TAOK3: variants seen among roughly 807,000 people sequenced by gnomAD.
The protein encoded by TAOK3 is TAO kinase 3.
TAOK3 carries 40 observed loss-of-function variants against 120.4 expected under a neutral mutation model. The ratio of observed to expected loss-of-function variants is 0.33; its 90% CI spans 0.26 to 0.43. The LOEUF (loss-of-function observed/expected upper bound fraction) is 0.43. Ranked by LOEUF, TAOK3 falls within the 20% of genes least tolerant of loss-of-function variation. The pLI is 1.00. For missense variants in TAOK3, 821 were observed against 1,112.1 expected, an observed-to-expected ratio of 0.74 and a Z score of 3.72; for synonymous variants, 355 against 387.5, an observed-to-expected ratio of 0.92 and a Z score of 0.99.
chr12:118,213,411 G>A (rs2038726430), intron 10 of TAOK3, among the ~76,000 whole-genome samples: 1 of 152,070 alleles, frequency 6.6e-6, no homozygotes, highest in East Asian at 1.9e-4. Context: ...TGAAGCATGA[G>A]GGATGGAGAA....
Position 118,172,475 on chromosome 12 carries a change from C to T in TAOK3, c.1881G>A (p.Glu627=). The T allele has an allele frequency of 6.2e-7, 1 of 1,614,192 alleles. No homozygotes were observed. ...TAAATACCTCCCGAATGTTCTGCTG[C>T]TCCACCTCGTGCCGCTTGATCATTA... is the stretch of plus-strand genomic sequence containing the variant. ...RKIMIKRHEV[E]QQNIREELNK... Residue 627 remains glutamate (E), a synonymous_variant, in exon 17 of 21, where the codon GAG becomes GAA. Transcript: ENST00000392533.
At chr12:118,239,612 AT>A (rs1319335233) in intron 5 of TAOK3, among the ~76,000 whole-genome samples, 1 of 152,242 alleles carries the variant, frequency 6.6e-6, no homozygotes, top group African/African-American at 2.4e-5. Flanking sequence ...TGTACTATAA[AT>A]TTGTAACTCA....
chr12:118,291,971 A>G (rs2042502025), intron 1 of TAOK3, among the ~76,000 whole-genome samples: 1 of 151,994 alleles, frequency 6.6e-6, no homozygotes, highest in African/African-American at 2.4e-5. Context: ...GTGCCAACAC[A>G]CCTGGCTGAT....
chr12:118,151,108 C>T lies in TAOK3; in HGVS notation c.2586G>A (p.Lys862=). Residue 862 remains lysine (K), a synonymous_variant, in exon 21 of 21, where the codon AAG becomes AAA. Transcript: ENST00000392533. The part of the protein sequence containing the change: ...ALQKERSERI[K]NLLERQEREI... ...CTCGCTCTTGCCTTTCCAATAGGTTCTTTATTCTCTCGCTGCGTTCCTTCT... is the reference window on the plus strand; with the variant it reads ...CTCGCTCTTGCCTTTCCAATAGGTTTTTTATTCTCTCGCTGCGTTCCTTCT... 4 of 1,613,874 alleles carry T rather than the reference C, an allele frequency of 2.5e-6. No individual in the cohort carries two copies. The highest frequency in any genetic ancestry group is 3.4e-6 in the Non-Finnish European group (4 of 1,180,004).
intron 1 of TAOK3, among the ~76,000 whole-genome samples, chr12:118,279,868 C>A (rs1367448759): frequency 1.3e-5 from 2 of 150,604 alleles, no homozygotes; most frequent in Non-Finnish European, 3.0e-5. Flanking sequence ...TGGGTTCAAG[C>A]GATTTTCCTG....
At chr12:118,362,756 A>G (rs930103161) in intron 1 of TAOK3, among the ~76,000 whole-genome samples, 1 of 152,144 alleles carries the variant, frequency 6.6e-6, no homozygotes, top group African/African-American at 2.4e-5. Flanking sequence ...AGCGGCTCAC[A>G]TCTGTAATCC....
chr12:118,178,922 C>T (rs1170116950), intron 15 of TAOK3, among the ~76,000 whole-genome samples: 1 of 152,136 alleles, frequency 6.6e-6, no homozygotes, highest in African/African-American at 2.4e-5. Context: ...GTAAGACGAG[C>T]GACTTGGGAG....
chr12:118,273,567 C>T (rs1310491537), intron 1 of TAOK3, among the ~76,000 whole-genome samples: 1 of 151,960 alleles, frequency 6.6e-6, no homozygotes, highest in Non-Finnish European at 1.5e-5. Flanking sequence ...ATAATCTCAG[C>T]ACTTTGGGAG....
rs573593117 is a variant in TAOK3, at chr12:118,316,829, T to C, written c.-193-50070A>G. On this transcript the variant is annotated intron_variant, in intron 1 of 20. Coordinates refer to ENST00000392533, the MANE Select transcript of TAOK3 (RefSeq NM_016281.4). The stretch of plus-strand genomic sequence containing the variant: ...TATAAAAATAACAAAATCAGTTGTA[T>C]TTCTATATACTGGCAATGAACAATC... Among the ~76,000 whole-genome samples the C allele has an allele frequency of 2.6e-5, 4 of 152,304 alleles. No homozygotes were observed. The South Asian group carries it at 8.3e-4, about 32-fold the overall frequency.
chr12:118,172,986 T>G (rs945008157), intron 16 of TAOK3, among the ~76,000 whole-genome samples: 1 of 152,198 alleles, frequency 6.6e-6, no homozygotes, highest in Non-Finnish European at 1.5e-5. Context: ...TAAAAGGCCA[T>G]GATAACTGCC....
At chr12:118,262,128 C>T (rs371713337) in intron 2 of TAOK3, among the ~76,000 whole-genome samples, 4 of 152,052 alleles carry the variant, frequency 2.6e-5, no homozygotes, top group East Asian at 2.0e-4. Context: ...CCCAAAGTGC[C>T]GGGATGACAG....
At chr12:118,170,973 C>T (rs2035963186) in intron 17 of TAOK3, among the ~76,000 whole-genome samples, 1 of 152,300 alleles carries the variant, frequency 6.6e-6, no homozygotes, top group South Asian at 2.1e-4. Context: ...TGTAGGCTAA[C>T]ACTGGGCTTT....
At chr12:118,252,746 G>A (rs465735) in intron 3 of TAOK3, among the ~76,000 whole-genome samples, 71,396 of 146,338 alleles carry the variant, frequency 0.49, 17,842 homozygotes, top group Admixed American at 0.54. Context: ...TTGAGACAGA[G>A]TCTCACTCTG....
intron 14 of TAOK3, among the ~76,000 whole-genome samples, chr12:118,183,322 T>C (rs528769854): frequency 2.6e-5 from 4 of 152,332 alleles, no homozygotes; most frequent in African/African-American, 9.6e-5. Flanking sequence ...AACTAGATAG[T>C]ATTATCAAAG....
chr12:118,261,851 G>T (rs186218124), intron 2 of TAOK3, among the ~76,000 whole-genome samples: 9 of 152,014 alleles, frequency 5.9e-5, no homozygotes, highest in Admixed American at 5.9e-4. Flanking sequence ...CACATAAAAT[G>T]ATTACACTTC....
chr12:118,166,847 T>TACACACAC lies in TAOK3; in HGVS notation c.1900-4828_1900-4821dup, dbSNP rs200569755. 1.0e-3 allele frequency among the ~76,000 whole-genome samples: 138 copies of TACACACAC among 135,396 alleles called. No individual in the cohort carries two copies. The Middle Eastern group carries it at 0.026, about 26-fold the overall frequency. The allele number at this position is 135,396 out of a possible 152,430, so 88.8% of individuals were successfully genotyped here. A position where few individuals can be genotyped will look rare whatever the true frequency, so the allele number is the denominator to read the frequency against. ...ATATATACACACACACACACACACA[T>TACACACAC]ACACACACACACACACACACACACG... On this transcript the variant is annotated intron_variant, in intron 17 of 20. Coordinates refer to ENST00000392533, the MANE Select transcript of TAOK3 (RefSeq NM_016281.4).
At chr12:118,324,791 C>T (rs2043864385) in intron 1 of TAOK3, among the ~76,000 whole-genome samples, 1 of 123,758 alleles carries the variant, frequency 8.1e-6, no homozygotes, top group Admixed American at 1.1e-4. Context: ...GTCACCCAGG[C>T]TGGAGTGCAG....
intron 1 of TAOK3, among the ~76,000 whole-genome samples, chr12:118,336,559 C>T (rs1239431994): frequency 6.6e-6 from 1 of 151,566 alleles, no homozygotes; most frequent in African/African-American, 2.4e-5. Flanking sequence ...TTCTGAGACA[C>T]CAAAAGCATG....
At chr12:118,316,541 C>G (rs907277475) in intron 1 of TAOK3, among the ~76,000 whole-genome samples, 2 of 152,070 alleles carry the variant, frequency 1.3e-5, no homozygotes, top group African/African-American at 4.8e-5. Flanking sequence ...GCTGGGAACA[C>G]AGTCGTGTAC....
Sources: allele counts gnomAD v4.1 joint callset (sites outside exome capture counted in the v4.1 genomes callset), GRCh38; gene constraint gnomAD v4.1.1; transcripts MANE v1.5; gene names NCBI Gene and HGNC (gene_info 2026-07-23, HGNC 2026-07-21).